ELF1: variants seen among roughly 807,000 people sequenced by gnomAD.
ELF1 encodes the protein E74 like ETS transcription factor 1, also known as ETS-related transcription factor Elf-1.
In ELF1, 24 loss-of-function variants were observed where a neutral mutation model predicts 59.9. The ratio of observed to expected loss-of-function variants is 0.40; its 90% CI spans 0.29 to 0.56. The LOEUF (loss-of-function observed/expected upper bound fraction) is 0.56, where lower values mean the gene tolerates loss of function less well. Among genes scored for constraint, ELF1 ranks in the 20% least tolerant of loss-of-function variants. The pLI is 0.44. For synonymous variants in ELF1, 248 were observed against 266.2 expected (o/e 0.93, Z 0.67); for missense variants, 627 against 742.2 (o/e 0.84, Z 1.80).
chr13:41,009,521 T>C (rs908470838), intron 1 of ELF1, among the ~76,000 whole-genome samples: 1 of 152,214 alleles, frequency 6.6e-6, no homozygotes, highest in African/African-American at 2.4e-5. Context: ...TAACATCATT[T>C]GCAACAACCC....
At chr13:41,007,788 TCA>T (rs1333371129) in intron 1 of ELF1, among the ~76,000 whole-genome samples, 1 of 152,252 alleles carries the variant, frequency 6.6e-6, no homozygotes, top group East Asian at 1.9e-4. Context: ...GCTGCATTAT[TCA>T]CAGCGATTCA....
At chr13:40,987,216 G>A (rs546675663) in intron 1 of ELF1, among the ~76,000 whole-genome samples, 3 of 150,126 alleles carry the variant, frequency 2.0e-5, no homozygotes, top group South Asian at 4.2e-4. Flanking sequence ...GATTACAGGC[G>A]TGAGCCACAG....
chr13:40,968,553 C>T (rs894578051), intron 2 of ELF1, among the ~76,000 whole-genome samples: 1 of 151,988 alleles, frequency 6.6e-6, no homozygotes. Flanking sequence ...ATGTATTACA[C>T]AAAGCAAGCT....
In ELF1 at chr13:40,948,743, A is replaced by G. The variant is rs1593354903; in HGVS notation, c.529+1063T>C. Among the ~76,000 whole-genome samples the G allele has an allele frequency of 2.0e-5, 3 of 152,244 alleles. No individual in the cohort carries two copies. The South Asian group carries it at 6.2e-4, about 32-fold the overall frequency. On this transcript the variant is annotated intron_variant, in intron 5 of 8. Transcript: ENST00000239882. ...AAAATTCCCACTCAACACATCCTAA[A>G]ATACTCCTCTTCAGTTACTTACCTG...
In ELF1 at chr13:40,982,827, C is replaced by A; in HGVS notation, c.-228-545G>T. 1.7e-5 allele frequency: 17 copies of A among 979,506 alleles called. No homozygotes were observed. The South Asian group carries it at 7.1e-4, about 41-fold the overall frequency. 60.7% of individuals were successfully genotyped at this position (979,506 alleles called of 1,614,324 possible). Reference sequence around the variant, plus strand: ...CCACTCTTTCTGTTCTTTAAAAAGGCTTCTGATAAGTAAAATGTTTTAAAA... The same window carrying A: ...CCACTCTTTCTGTTCTTTAAAAAGGATTCTGATAAGTAAAATGTTTTAAAA... On this transcript the variant is annotated intron_variant, in intron 1 of 8. Transcript: ENST00000239882.
rs1877595617 is a variant in ELF1 at position 41,061,142 on chromosome 13, C to T, written c.-533G>A. 4 of 194,548 alleles carry T rather than the reference C, an allele frequency of 2.1e-5. No individual in the cohort carries two copies. The South Asian group carries it at 3.2e-4, about 15-fold the overall frequency. 12.1% of individuals were successfully genotyped at this position (194,548 alleles called of 1,614,324 possible). A position where few individuals can be genotyped will look rare whatever the true frequency, so the allele number is the denominator to read the frequency against. On this transcript the variant is annotated 5_prime_UTR_variant, in exon 1 of 2. Transcript: ENST00000405737. Reference sequence around the variant, plus strand: ...CCAGAGGACCCCGACCCACAGGTCCCGGTTGCTCCGCTGGTCAAAGTGCGT... The same window carrying T: ...CCAGAGGACCCCGACCCACAGGTCCTGGTTGCTCCGCTGGTCAAAGTGCGT...
At chr13:40,964,091 G>T (rs1008670839) in intron 2 of ELF1, among the ~76,000 whole-genome samples, 1 of 152,070 alleles carries the variant, frequency 6.6e-6, no homozygotes, top group African/African-American at 2.4e-5. Flanking sequence ...ATGATGAACT[G>T]CTTTGTAAAC....
At chr13:40,939,408 C>T (rs567219594) in intron 8 of ELF1, among the ~76,000 whole-genome samples, 5 of 152,102 alleles carry the variant, frequency 3.3e-5, no homozygotes, top group Non-Finnish European at 4.4e-5. Flanking sequence ...TTTATTCTCA[C>T]AGTCTAAAAA....
chr13:40,945,450 T>A (rs1280811497), intron 5 of ELF1, among the ~76,000 whole-genome samples: 3 of 152,100 alleles, frequency 2.0e-5, no homozygotes, highest in Non-Finnish European at 1.5e-5. Context: ...AAAAAAAAAA[T>A]CAATCCTCTT....
chr13:40,988,068 T>C (rs921592356), intron 1 of ELF1, among the ~76,000 whole-genome samples: 2 of 152,174 alleles, frequency 1.3e-5, no homozygotes, highest in African/African-American at 4.8e-5. Context: ...TGATTGACCA[T>C]AGTTTGGTCT....
intron 1 of ELF1, among the ~76,000 whole-genome samples, chr13:41,007,858 G>T (rs1449658869): frequency 6.6e-6 from 1 of 152,172 alleles, no homozygotes; most frequent in East Asian, 1.9e-4. Context: ...GGGCTCCTGA[G>T]ATCACAACTC....
At chr13:40,993,172 T>C in intron 1 of ELF1, 1 of 1,512,348 alleles carries the variant, frequency 6.6e-7, no homozygotes, top group Non-Finnish European at 9.2e-7. Flanking sequence ...GTGTGTGTGG[T>C]TCTTCCTGCA....
intron 2 of ELF1, among the ~76,000 whole-genome samples, chr13:40,979,250 G>A (rs1288508223): frequency 6.6e-6 from 1 of 151,082 alleles, no homozygotes; most frequent in Non-Finnish European, 1.5e-5. Flanking sequence ...CAAAATTATA[G>A]TGCTCCGTAA....
chr13:41,011,934 T>C (rs928759294), intron 1 of ELF1, among the ~76,000 whole-genome samples: 1 of 152,180 alleles, frequency 6.6e-6, no homozygotes, highest in East Asian at 1.9e-4. Flanking sequence ...AGTCAGCTTT[T>C]ACTACCGGTC....
At chr13:40,977,885 A>G (rs1873010088) in intron 2 of ELF1, among the ~76,000 whole-genome samples, 1 of 152,208 alleles carries the variant, frequency 6.6e-6, no homozygotes. Context: ...GAAGTTCAAA[A>G]CTGAAGCCTG....
At chr13:41,016,300 A>C (rs1875357421) in intron 1 of ELF1, among the ~76,000 whole-genome samples, 2 of 152,220 alleles carry the variant, frequency 1.3e-5, no homozygotes, top group Admixed American at 6.5e-5. Flanking sequence ...TAGGAGATTC[A>C]GCAGTTATGC....
At chr13:40,961,953 T>C (rs954885145) in intron 2 of ELF1, among the ~76,000 whole-genome samples, 2 of 152,256 alleles carry the variant, frequency 1.3e-5, no homozygotes, top group Admixed American at 6.5e-5. Flanking sequence ...TTGGCTCCTG[T>C]AGCTTGGGTA....
chr13:40,968,571 T>C (rs567797034), intron 2 of ELF1, among the ~76,000 whole-genome samples: 1 of 152,182 alleles, frequency 6.6e-6, no homozygotes, highest in South Asian at 2.1e-4. Context: ...GCTAGGATTG[T>C]ACAATAGATT....
chr13:40,990,093 CCAAA>C (rs1189520662), intron 1 of ELF1, among the ~76,000 whole-genome samples: 1 of 152,028 alleles, frequency 6.6e-6, no homozygotes, highest in Non-Finnish European at 1.5e-5. Context: ...TTTTACAAAA[CCAAA>C]CACATTATTT....
Sources: gnomAD v4.1 joint callset for allele counts (sites outside exome capture counted in the v4.1 genomes callset) on GRCh38, gnomAD v4.1.1 for gene constraint, MANE v1.5 for transcripts, NCBI Gene and HGNC (gene_info 2026-07-23, HGNC 2026-07-21) for gene names.